CEP290: variants seen among roughly 807,000 people sequenced by gnomAD.
CEP290 encodes the protein centrosomal protein of 290 kDa.
CEP290 carries 317 observed loss-of-function variants against 344.9 expected under a neutral mutation model. The ratio of observed to expected loss-of-function variants is 0.92; its 90% CI spans 0.84 to 1.01. The LOEUF is 1.01. Among genes scored for constraint, CEP290 ranks in the 50% least tolerant of loss-of-function variants. CEP290 has a pLI of 0.00. For synonymous variants in CEP290, 932 were observed against 895.8 expected (o/e 1.04, Z -0.72); for missense variants, 2,754 against 2,761.4 (o/e 1.00, Z 0.06).
rs748232723 is a variant in CEP290 at position 88,136,797 on chromosome 12, T to C, written c.298-11A>G. 1.9e-6 allele frequency: 3 copies of C among 1,612,230 alleles called. No homozygotes were observed. The East Asian group carries it at 6.7e-5, about 36-fold the overall frequency. On this transcript the variant is annotated splice_polypyrimidine_tract_variant and intron_variant, in intron 5 of 53. Coordinates refer to ENST00000552810, the MANE Select transcript of CEP290 (RefSeq NM_025114.4). ...AGACTGCTGAGCCATCTTAAAGTAA[T>C]AAACCCAAAGTATAAATTAATCCCA... is the stretch of plus-strand genomic sequence containing the variant.
At chr12:88,087,625 CAGG>C (rs1258605214) in intron 32 of CEP290, among the ~76,000 whole-genome samples, 152 bp downstream of exon 32, 2 of 144,170 alleles carry the variant, frequency 1.4e-5, no homozygotes, top group Non-Finnish European at 3.0e-5. Context: ...GAGGCTGAGG[CAGG>C]AGAATGGCAT....
At chr12:88,092,535 G>A (rs180794441) in intron 29 of CEP290, 146 bp downstream of exon 29, 21 of 575,368 alleles carry the variant, frequency 3.6e-5, no homozygotes, top group African/African-American at 3.1e-4. Flanking sequence ...TGTTAAAACC[G>A]ATCTTAATAT....
intron 20 of CEP290, among the ~76,000 whole-genome samples, chr12:88,114,094 G>C (rs1312595350): frequency 6.6e-6 from 1 of 151,990 alleles, no homozygotes; most frequent in African/African-American, 2.4e-5. Flanking sequence ...TAAGTGAAAG[G>C]AAAATCCCAA....
chr12:88,094,246 A>G (rs2037266623), intron 27 of CEP290, among the ~76,000 whole-genome samples: 1 of 152,080 alleles, frequency 6.6e-6, no homozygotes, highest in South Asian at 2.1e-4. Context: ...AACTAACAAC[A>G]TAAAGGACTT....
chr12:88,058,797 C>T, intron 49 of CEP290, 51 bp downstream of exon 49: 1 of 1,578,560 alleles, frequency 6.3e-7, no homozygotes, highest in Non-Finnish European at 8.6e-7. Context: ...TAAAACAATG[C>T]CAAAATTTGA....
rs528447511 is a variant in CEP290, at chr12:88,109,123, T to C, written c.2426A>G (p.Asn809Ser). ...KNLEDSLEDY[N>S]RKFAVIRHQQ... Reference sequence around the variant, plus strand: ...ATGACGAATTACAGCAAATTTTCTGTTGTAATCTTCAAGAGAATCTTCTAA... The same window carrying C: ...ATGACGAATTACAGCAAATTTTCTGCTGTAATCTTCAAGAGAATCTTCTAA... The change falls in exon 23 of 54, where the codon AAC (asparagine) becomes AGC (serine). Residue 809 changes from asparagine (N) to serine (S), a missense_variant. Asn to Ser is a conservative substitution (Grantham distance 46). Coordinates refer to ENST00000552810, the MANE Select transcript of CEP290 (RefSeq NM_025114.4). The C allele has an allele frequency of 6.8e-6, 10 of 1,473,756 alleles. No homozygotes were observed. The highest frequency in any genetic ancestry group is 2.9e-5 in the African/African-American group (2 of 69,086). 91.3% of individuals were successfully genotyped at this position (1,473,756 alleles called of 1,614,324 possible).
In CEP290 at chr12:88,131,155, A is replaced by C; in HGVS notation, c.495+10T>G. On this transcript the variant is annotated intron_variant, in intron 7 of 53. Coordinates refer to ENST00000552810, the MANE Select transcript of CEP290 (RefSeq NM_025114.4). The stretch of plus-strand genomic sequence containing the variant: ...TTTGTTGAACCACCACAACTACTAA[A>C]ATTTTTTACCTCTCTTCTTAATTTG... 1 of 1,511,076 alleles carries C rather than the reference A, an allele frequency of 6.6e-7. No individual in the cohort carries two copies. Among genetic ancestry groups the C allele is most frequent in the East Asian group, 2.5e-5 (1 of 39,420 alleles). The allele number at this position is 1,511,076 out of a possible 1,614,324, so 93.6% of individuals were successfully genotyped here. A position where few individuals can be genotyped will look rare whatever the true frequency, so the allele number is the denominator to read the frequency against.
chr12:88,140,333 C>T (rs1197555220), intron 3 of CEP290, among the ~76,000 whole-genome samples: 2 of 152,082 alleles, frequency 1.3e-5, no homozygotes, highest in Non-Finnish European at 2.9e-5. Flanking sequence ...TATTTTTGTA[C>T]CTATCAATTG....
Position 88,109,624 on chromosome 12 carries a change from T to C in CEP290, c.2368-443A>G, listed in dbSNP as rs568259056. On this transcript the variant is annotated intron_variant, in intron 22 of 53. Coordinates refer to ENST00000552810, the MANE Select transcript of CEP290 (RefSeq NM_025114.4). ...AATCATTTTTACCAAGTACATATGC[T>C]AGGCTTGTTGTCAGGTGCTTTCCAT... Among the ~76,000 whole-genome samples the C allele has an allele frequency of 2.0e-5, 3 of 152,318 alleles. No homozygotes were observed. The East Asian group carries it at 5.8e-4, about 29-fold the overall frequency.
intron 5 of CEP290, 78 bp downstream of exon 5, chr12:88,139,067 A>G: frequency 2.6e-6 from 2 of 763,198 alleles, no homozygotes; most frequent in African/African-American, 1.8e-5. Context: ...TTTCCAGCCA[A>G]CAATAATTTT....
rs2038675329 is a variant in CEP290 at position 88,111,337 on chromosome 12, T to C, written c.2232A>G (p.Glu744=). The change falls in exon 22 of 54, where the codon GAA becomes GAG. Residue 744 remains glutamate, a synonymous_variant. Coordinates refer to ENST00000552810, the MANE Select transcript of CEP290 (RefSeq NM_025114.4). The part of the protein sequence containing the change: ...AKANLKIDHL[E]KETSLLRQSE... The stretch of plus-strand genomic sequence containing the variant: ...ATTGTCGTAAAAGACTAGTTTCTTT[T>C]TCAAGATGGTCTATCTGGAAAAAAA... 1 of 1,564,644 alleles carries C rather than the reference T, an allele frequency of 6.4e-7. No individual in the cohort carries two copies. Among genetic ancestry groups the C allele is most frequent in the Non-Finnish European group, 8.6e-7 (1 of 1,156,582 alleles).
Position 88,068,651 on chromosome 12 carries a change from A to G in CEP290, c.6012-6T>C. On this transcript the variant is annotated splice_polypyrimidine_tract_variant and splice_region_variant and intron_variant, in intron 43 of 53. Coordinates refer to ENST00000552810, the MANE Select transcript of CEP290 (RefSeq NM_025114.4). ...GAGGAAGAGCTTGGTGGGCCCTATG[A>G]ACAACAATCACAGACTCTTTACTAT... 6.3e-7 allele frequency: 1 copy of G among 1,592,584 alleles called. No individual in the cohort carries two copies. The highest frequency in any genetic ancestry group is 2.3e-5 in the East Asian group (1 of 43,718).
chr12:88,084,837 CTT>C lies in CEP290; in HGVS notation c.4451_4452del (p.Lys1484ArgfsTer20). The C allele has an allele frequency of 6.4e-7, 1 of 1,565,994 alleles. No individual in the cohort carries two copies. Among genetic ancestry groups the C allele is most frequent in the Non-Finnish European group, 8.6e-7 (1 of 1,159,816 alleles). ...TGTTCTGCTAACCTTAAAGCAGATT[CTT>C]TCTCTTTTAGTTTCTGCAATGATTA... is the stretch of plus-strand genomic sequence containing the variant. ...CKSLEEKLKE[K>X]ESALRLAEQN... On this transcript the variant is annotated frameshift_variant, in exon 35 of 54. Transcript: ENST00000552810. LOFTEE classifies it high-confidence loss of function.
At position 88,073,331 on chromosome 12, in the gene CEP290, A is replaced by G. The variant is rs541567554; in HGVS notation, c.5710-1405T>C. ...TCATGACCCATCAGTTGCCAATAGA[A>G]CACATTTGTGTCAGTCTGCAATCGT... On this transcript the variant is annotated intron_variant, in intron 41 of 53. Transcript: ENST00000552810. Among the ~76,000 whole-genome samples, 31 of 152,298 alleles carry G rather than the reference A, an allele frequency of 2.0e-4. 1 individual carries two copies. The highest frequency in any genetic ancestry group is 6.2e-4 in the South Asian group (3 of 4,820).
At chr12:88,087,406 A>C (rs1324596365) in intron 32 of CEP290, among the ~76,000 whole-genome samples, 2 of 152,124 alleles carry the variant, frequency 1.3e-5, no homozygotes, top group Admixed American at 6.5e-5. Flanking sequence ...CTTAATTAGA[A>C]GGATAACATA....
chr12:88,105,197 G>A (rs1348480351), intron 25 of CEP290, among the ~76,000 whole-genome samples: 1 of 152,160 alleles, frequency 6.6e-6, no homozygotes, highest in Admixed American at 6.5e-5. Flanking sequence ...GTCAAGCTTT[G>A]AGGCTTCGTT....
At chr12:88,093,274 G>C (rs1320748663) in intron 28 of CEP290, among the ~76,000 whole-genome samples, 1 of 152,042 alleles carries the variant, frequency 6.6e-6, no homozygotes, top group East Asian at 1.9e-4. Context: ...AGCAAACACT[G>C]TAAGAGTTGT....
intron 27 of CEP290, among the ~76,000 whole-genome samples, chr12:88,094,647 T>C (rs1011385637): frequency 6.9e-6 from 1 of 145,524 alleles, no homozygotes; most frequent in Admixed American, 7.1e-5. Flanking sequence ...AGGCATCGCA[T>C]AGGAGTGTCA....
intron 26 of CEP290, among the ~76,000 whole-genome samples, chr12:88,099,482 T>C (rs892037163): frequency 3.3e-4 from 51 of 152,270 alleles, no homozygotes; most frequent in Non-Finnish European, 5.4e-4. Context: ...AAAAACAGAA[T>C]GCCTATTTAC....
Sources: allele counts gnomAD v4.1 joint callset (sites outside exome capture counted in the v4.1 genomes callset), GRCh38; gene constraint gnomAD v4.1.1; transcripts MANE v1.5; gene names NCBI Gene and HGNC (gene_info 2026-07-23, HGNC 2026-07-21).